Variants in ALG14 observed in about 807,000 individuals in gnomAD.
ALG14 encodes the protein ALG14 UDP-N-acetylglucosaminyltransferase subunit, also known as UDP-N-acetylglucosamine transferase subunit ALG14.
ALG14 carries 17 observed loss-of-function variants against 22.8 expected under a neutral mutation model. The observed-to-expected ratio is 0.75, with a 90% confidence interval of 0.51 to 1.12. The LOEUF is 1.12. Ranked by LOEUF, ALG14 falls within the 50% of genes most tolerant of loss-of-function variation. The pLI, the probability that ALG14 is intolerant of heterozygous loss-of-function variation, is 0.00. For synonymous variants in ALG14, 89 were observed against 103.7 expected (o/e 0.86, Z 0.86); for missense variants, 288 against 271.8 (o/e 1.06, Z -0.42).
rs1175405877 is a variant in ALG14, at chr1:94,974,431, G to A, written c.*8645C>T. On this transcript the variant is annotated 3_prime_UTR_variant, in exon 4 of 4. Transcript: ENST00000370205. Reference sequence around the variant, plus strand: ...TCTGTTTAAATGCTCAAGTTTATTAGAGTGGAAAAAAATCTCAGTTATACA... The same window carrying A: ...TCTGTTTAAATGCTCAAGTTTATTAAAGTGGAAAAAAATCTCAGTTATACA... 2 of 151,998 alleles carry A rather than the reference G, an allele frequency of 1.3e-5. No homozygotes were observed. Among genetic ancestry groups the A allele is most frequent in the African/African-American group, 4.8e-5 (2 of 41,376 alleles). The allele number at this position is 151,998 out of a possible 1,614,324, so 9.4% of individuals were successfully genotyped here.
rs577157728 is a variant in ALG14 at position 95,058,945 on chromosome 1, T to A, written c.288+5921A>T. Among the ~76,000 whole-genome samples, 7 of 152,126 alleles carry A rather than the reference T, an allele frequency of 4.6e-5. No individual in the cohort carries two copies. The South Asian group carries it at 1.5e-3, about 32-fold the overall frequency. The stretch of plus-strand genomic sequence containing the variant: ...ATTCTTTTCCCTCATATTTGCCTTA[T>A]TGCCTGGAGAATTCCTTTAGCCTGA... On this transcript the variant is annotated intron_variant, in intron 2 of 3. Coordinates refer to ENST00000370205, the MANE Select transcript of ALG14 (RefSeq NM_144988.4).
intron 2 of ALG14, among the ~76,000 whole-genome samples, chr1:95,059,413 A>AC (rs555649844): frequency 0.044 from 6,335 of 143,464 alleles, 183 homozygotes; most frequent in South Asian, 0.086. Context: ...AAAAAAAAAA[A>AC]AAAAAAACAT....
intron 2 of ALG14, among the ~76,000 whole-genome samples, chr1:95,032,363 A>G (rs1455121435): frequency 6.6e-6 from 1 of 152,150 alleles, no homozygotes; most frequent in African/African-American, 2.4e-5. Flanking sequence ...GTTGAACTGA[A>G]TGGAATTCAT....
chr1:95,003,199 AT>A (rs1440744757), intron 3 of ALG14, among the ~76,000 whole-genome samples: 1 of 152,182 alleles, frequency 6.6e-6, no homozygotes, highest in Non-Finnish European at 1.5e-5. Context: ...AAACATATTT[AT>A]TTTCAATTGA....
intron 3 of ALG14, among the ~76,000 whole-genome samples, chr1:94,987,537 TG>T (rs1160660559): frequency 6.6e-6 from 1 of 152,192 alleles, no homozygotes; most frequent in Non-Finnish European, 1.5e-5. Context: ...TGAGCATAGA[TG>T]AGCCAGATCA....
intron 1 of ALG14, 51 bp from the exon 2 acceptor site, chr1:95,065,068 T>A (rs1333247149): frequency 6.5e-7 from 1 of 1,542,448 alleles, no homozygotes; most frequent in Non-Finnish European, 8.8e-7. Flanking sequence ...AATGGACATA[T>A]CCATTTGACC....
intron 2 of ALG14, among the ~76,000 whole-genome samples, chr1:95,027,865 T>C (rs912388919): frequency 2.9e-4 from 44 of 152,230 alleles, no homozygotes; most frequent in Non-Finnish European, 2.2e-4. Context: ...TGATCCAGCA[T>C]TTCTGCTTCT....
chr1:95,056,374 G>T (rs1260066477), intron 2 of ALG14, among the ~76,000 whole-genome samples: 1 of 152,216 alleles, frequency 6.6e-6, no homozygotes, highest in Non-Finnish European at 1.5e-5. Flanking sequence ...GCCAGGCACG[G>T]TGGCTCATGT....
chr1:94,995,479 G>A (rs4847375), intron 3 of ALG14, among the ~76,000 whole-genome samples: 7,871 of 152,274 alleles, frequency 0.052, 237 homozygotes, highest in Middle Eastern at 0.088. Context: ...TCGGGAGGCC[G>A]AGGCAGGCAG....
At chr1:94,990,503 A>G (rs2100719553) in intron 3 of ALG14, among the ~76,000 whole-genome samples, 1 of 152,336 alleles carries the variant, frequency 6.6e-6, no homozygotes, top group East Asian at 1.9e-4. Context: ...TTACAATTCT[A>G]TTGGTAACAG....
At chr1:94,989,996 G>C (rs1457315782) in intron 3 of ALG14, among the ~76,000 whole-genome samples, 1 of 152,150 alleles carries the variant, frequency 6.6e-6, no homozygotes, top group South Asian at 2.1e-4. Flanking sequence ...GTCAGACAGG[G>C]CAAAACATGG....
chr1:94,990,465 C>G (rs1168987380), intron 3 of ALG14, among the ~76,000 whole-genome samples: 3 of 152,196 alleles, frequency 2.0e-5, no homozygotes, highest in Non-Finnish European at 4.4e-5. Context: ...ACCCTCGAAT[C>G]CCTGACTATC....
In ALG14 at chr1:94,981,479, A is replaced by C. The variant is rs1275996085; in HGVS notation, c.*1597T>G. The C allele has an allele frequency of 6.6e-6, 1 of 150,540 alleles. No individual in the cohort carries two copies. Among genetic ancestry groups the C allele is most frequent in the African/African-American group, 2.4e-5 (1 of 41,146 alleles). The allele number at this position is 150,540 out of a possible 1,614,324, so 9.3% of individuals were successfully genotyped here. ...TTGCTTTTTTTTTTTAAAAAAAAAAAAAAGAAAAAAGGCTGGATCAGCCTC... is the reference window on the plus strand; with the variant it reads ...TTGCTTTTTTTTTTTAAAAAAAAAACAAAGAAAAAAGGCTGGATCAGCCTC... On this transcript the variant is annotated 3_prime_UTR_variant, in exon 4 of 4. Transcript: ENST00000370205.
chr1:95,066,465 C>T (rs947149191), intron 1 of ALG14, among the ~76,000 whole-genome samples: 4 of 152,162 alleles, frequency 2.6e-5, no homozygotes, highest in Non-Finnish European at 5.9e-5. Flanking sequence ...CTCAGGTGAT[C>T]CACCCACTCG....
intron 2 of ALG14, 96 bp downstream of exon 2, chr1:95,064,770 T>G: frequency 9.3e-7 from 1 of 1,078,534 alleles, no homozygotes; most frequent in Non-Finnish European, 1.3e-6. Context: ...CTGCCCATTG[T>G]GGGTAGGGCA....
intron 3 of ALG14, among the ~76,000 whole-genome samples, chr1:95,009,320 C>T (rs1673303153): frequency 6.6e-6 from 1 of 151,502 alleles, no homozygotes; most frequent in African/African-American, 2.4e-5. Flanking sequence ...AATTTAGGAA[C>T]CATACATTGT....
intron 1 of ALG14, among the ~76,000 whole-genome samples, chr1:95,069,017 T>C (rs1675471577): frequency 6.6e-6 from 1 of 152,196 alleles, no homozygotes; most frequent in South Asian, 2.1e-4. Context: ...GCCCCACACC[T>C]ATCACTCCAG....
chr1:95,048,538 G>C (rs1253763176), intron 2 of ALG14, among the ~76,000 whole-genome samples: 1 of 152,080 alleles, frequency 6.6e-6, no homozygotes, highest in Non-Finnish European at 1.5e-5. Flanking sequence ...TTCCTTCCAC[G>C]CCTTGGAGGG....
chr1:95,055,828 T>TA (rs35131311), intron 2 of ALG14, among the ~76,000 whole-genome samples: 1,364 of 33,054 alleles, frequency 0.041, 55 homozygotes, highest in East Asian at 0.11. Context: ...CCGTCTCTAC[T>TA]AAAAAAAAAA....
Sources: allele counts gnomAD v4.1 joint callset (sites outside exome capture counted in the v4.1 genomes callset), GRCh38; gene constraint gnomAD v4.1.1; transcripts MANE v1.5; gene names NCBI Gene and HGNC (gene_info 2026-07-23, HGNC 2026-07-21).